Variants in PLAG1 observed in about 807,000 individuals in gnomAD.
The protein encoded by PLAG1 is zinc finger protein PLAG1.
A neutral mutation model predicts 35.5 loss-of-function variants in PLAG1; 7 were observed. That is an observed-to-expected ratio of 0.20 (90% CI 0.11 to 0.37). The LOEUF is 0.37. Ranked by LOEUF, PLAG1 falls within the 10% of genes least tolerant of loss-of-function variation. The pLI, the probability that PLAG1 is intolerant of heterozygous loss-of-function variation, is 1.00. For missense variants in PLAG1, 454 were observed against 602.8 expected, an observed-to-expected ratio of 0.75 and a Z score of 2.58; for synonymous variants, 229 against 225.4, an observed-to-expected ratio of 1.02 and a Z score of -0.14.
chr8:56,195,620 G>C (rs1039044972), intron 1 of PLAG1, among the ~76,000 whole-genome samples: 2 of 152,122 alleles, frequency 1.3e-5, no homozygotes, highest in Admixed American at 6.6e-5. Flanking sequence ...AAGACTGCAG[G>C]GGGTGAGACA....
chr8:56,182,590 G>A (rs531243916), intron 1 of PLAG1, among the ~76,000 whole-genome samples: 2 of 152,100 alleles, frequency 1.3e-5, no homozygotes, highest in Non-Finnish European at 2.9e-5. Context: ...GAAGTTATTG[G>A]GTGGGGCGGG....
At position 56,185,608 on chromosome 8, in the gene PLAG1, T is replaced by A. The variant is rs1811997190; in HGVS notation, c.-321-6095A>T. 1.3e-5 allele frequency among the ~76,000 whole-genome samples: 2 copies of A among 152,200 alleles called. 1 individual carries two copies. The highest frequency in any genetic ancestry group is 4.1e-4 in the South Asian group (2 of 4,830). On this transcript the variant is annotated intron_variant, in intron 1 of 4. Transcript: ENST00000316981. ...ATATTGGCTTAAATGTGAGTTGCACTCAGACCTTACTAGAAAAGGATATAT... is the reference window on the plus strand; with the variant it reads ...ATATTGGCTTAAATGTGAGTTGCACACAGACCTTACTAGAAAAGGATATAT...
chr8:56,200,417 G>A lies in PLAG1; in HGVS notation c.-322+10704C>T, dbSNP rs139519882. 1.1e-4 allele frequency among the ~76,000 whole-genome samples: 16 copies of A among 152,310 alleles called. No individual in the cohort carries two copies. The East Asian group carries it at 2.5e-3, about 24-fold the overall frequency. ...AGTGGTAAAGACCGGAGACCTCTGC[G>A]TGCAGCGGGCCCCGCTTCCAATGTG... On this transcript the variant is annotated intron_variant, in intron 1 of 4. Transcript: ENST00000316981.
At chr8:56,181,056 G>C (rs1029367311) in intron 1 of PLAG1, among the ~76,000 whole-genome samples, 4 of 152,186 alleles carry the variant, frequency 2.6e-5, no homozygotes, top group Non-Finnish European at 5.9e-5. Context: ...TCATTAAATA[G>C]TCAGGAAACA....
At chr8:56,204,359 C>T (rs1053558822) in intron 1 of PLAG1, among the ~76,000 whole-genome samples, 21 of 151,372 alleles carry the variant, frequency 1.4e-4, no homozygotes, top group African/African-American at 4.6e-4. Flanking sequence ...GACTAAAATC[C>T]AACCGGTGTT....
At chr8:56,178,395 T>A (rs73594299) in intron 2 of PLAG1, among the ~76,000 whole-genome samples, 5,452 of 152,134 alleles carry the variant, frequency 0.036, 144 homozygotes, top group African/African-American at 0.076. Context: ...AAAAAATCCA[T>A]AACCCCTAAC....
chr8:56,173,260 C>A (rs1381528315), intron 2 of PLAG1, among the ~76,000 whole-genome samples: 1 of 152,062 alleles, frequency 6.6e-6, no homozygotes, highest in East Asian at 1.9e-4. Context: ...CACAGCCAAT[C>A]ATTTTATTTT....
rs752821516 is a variant in PLAG1 at position 56,165,549 on chromosome 8, TTAAG to T, written c.*690_*693del. On this transcript the variant is annotated 3_prime_UTR_variant, in exon 5 of 5. Coordinates refer to ENST00000316981, the MANE Select transcript of PLAG1 (RefSeq NM_002655.3). ...CTGTGTACTAATTTAGGGCCAACTA[TTAAG>T]TGACACGAAATGCCATGTCACCTAA... 5 of 206,412 alleles carry T rather than the reference TTAAG, an allele frequency of 2.4e-5. No individual in the cohort carries two copies. The highest frequency in any genetic ancestry group is 4.9e-5 in the Non-Finnish European group (5 of 101,076). The allele number at this position is 206,412 out of a possible 1,614,324, so 12.8% of individuals were successfully genotyped here.
rs111707482 is a variant in PLAG1, at chr8:56,205,745, A to C, written c.-322+5376T>G. Among the ~76,000 whole-genome samples the C allele has an allele frequency of 6.5e-3, 992 of 152,038 alleles. 20 individuals carry two copies. The highest frequency in any genetic ancestry group is 5.4e-3 in the Non-Finnish European group (363 of 67,842). ...AAAATTTTTGCTTCCTAACACCTTC[A>C]CATTGCTAGGTTTTCTATGTTTTTA... On this transcript the variant is annotated intron_variant, in intron 1 of 4. Transcript: ENST00000316981.
At chr8:56,179,650 C>T (rs1811807639) in intron 1 of PLAG1, 137 bp from the exon 2 acceptor site, 2 of 152,610 alleles carry the variant, frequency 1.3e-5, no homozygotes, top group African/African-American at 4.8e-5. Context: ...TATCTTAAAT[C>T]CTGTTAAAAA....
At chr8:56,193,965 G>A (rs559818405) in intron 1 of PLAG1, among the ~76,000 whole-genome samples, 6 of 152,068 alleles carry the variant, frequency 3.9e-5, no homozygotes, top group South Asian at 2.1e-4. Context: ...TGATCCACTC[G>A]CCTCGGCCTT....
At chr8:56,170,142 T>G (rs941507104) in intron 3 of PLAG1, among the ~76,000 whole-genome samples, 2 of 152,236 alleles carry the variant, frequency 1.3e-5, no homozygotes, top group African/African-American at 2.4e-5. Context: ...ATTAACATAG[T>G]AAGGCATATG....
chr8:56,205,104 A>C (rs1490591917), intron 1 of PLAG1, among the ~76,000 whole-genome samples: 1 of 151,918 alleles, frequency 6.6e-6, no homozygotes, highest in Admixed American at 6.6e-5. Context: ...AGGCTTTTTA[A>C]ATGTGACTAA....
intron 1 of PLAG1, among the ~76,000 whole-genome samples, chr8:56,189,077 C>CT (rs1313889489): frequency 3.3e-5 from 5 of 152,158 alleles, no homozygotes; most frequent in Non-Finnish European, 2.9e-5. Context: ...TGTCTAGTAC[C>CT]TAGAACAGTG....
Position 56,195,434 on chromosome 8 carries a change from T to C in PLAG1, c.-322+15687A>G, listed in dbSNP as rs140685988. The stretch of plus-strand genomic sequence containing the variant: ...CTATTATTCCAGATAAGGGAGTCAC[T>C]TCCCAGTTCACGGGGTCTGTTACAG... On this transcript the variant is annotated intron_variant, in intron 1 of 4. Transcript: ENST00000316981. Among the ~76,000 whole-genome samples the C allele has an allele frequency of 2.2e-4, 33 of 152,324 alleles. 1 individual carries two copies. In the East Asian group the frequency reaches 6.4e-3, roughly 29 times the overall value.
At chr8:56,189,248 C>T (rs1435511532) in intron 1 of PLAG1, among the ~76,000 whole-genome samples, 2 of 152,232 alleles carry the variant, frequency 1.3e-5, no homozygotes, top group African/African-American at 2.4e-5. Flanking sequence ...GGCATTGACA[C>T]AATGCTTTAA....
intron 1 of PLAG1, among the ~76,000 whole-genome samples, chr8:56,205,678 A>G (rs956083856): frequency 6.6e-6 from 1 of 151,938 alleles, no homozygotes; most frequent in Non-Finnish European, 1.5e-5. Context: ...ATTGTTACAT[A>G]CTTTCATTGT....
intron 1 of PLAG1, among the ~76,000 whole-genome samples, chr8:56,194,558 C>G (rs1812295977): frequency 6.6e-6 from 1 of 151,860 alleles, no homozygotes; most frequent in South Asian, 2.1e-4. Flanking sequence ...GGAAGAGCAT[C>G]TGCTGGACTC....
intron 1 of PLAG1, among the ~76,000 whole-genome samples, chr8:56,197,062 C>G (rs751975793): frequency 6.6e-6 from 1 of 151,876 alleles, no homozygotes; most frequent in Non-Finnish European, 1.5e-5. Context: ...GTATTTCTGT[C>G]TCTCCCCCCA....
Sources: gnomAD v4.1 joint callset for allele counts (sites outside exome capture counted in the v4.1 genomes callset) on GRCh38, gnomAD v4.1.1 for gene constraint, MANE v1.5 for transcripts, NCBI Gene and HGNC (gene_info 2026-07-23, HGNC 2026-07-21) for gene names.